Variants in SBF2 observed in about 807,000 individuals in gnomAD.
The protein encoded by SBF2 is myotubularin-related protein 13.
A neutral mutation model predicts 225.2 loss-of-function variants in SBF2; 112 were observed. The observed-to-expected ratio is 0.50, with a 90% CI of 0.43 to 0.58. SBF2 has a LOEUF of 0.58. SBF2 is among the 20% of genes least tolerant of loss of function. The probability of loss-of-function intolerance (pLI) is 0.00; values close to 1 mark genes in which losing one functional copy is unlikely to be tolerated. For missense variants in SBF2, 1,996 were observed against 2,206.2 expected (o/e 0.90, Z 1.91); for synonymous variants, 763 against 773.3 (o/e 0.99, Z 0.22).
chr11:10,170,978 T>C (rs72861724), intron 2 of SBF2, among the ~76,000 whole-genome samples: 8,372 of 152,296 alleles, frequency 0.055, 316 homozygotes, highest in Middle Eastern at 0.14. Flanking sequence ...ATGATTTTTG[T>C]ATGCTAACTT....
At chr11:10,148,915 C>T (rs181016379) in intron 2 of SBF2, among the ~76,000 whole-genome samples, 10 of 152,228 alleles carry the variant, frequency 6.6e-5, no homozygotes, top group African/African-American at 2.2e-4. Context: ...CCTGGCTTCA[C>T]CCTCTATGGG....
chr11:10,033,101 T>C (rs1233023590), intron 3 of SBF2, among the ~76,000 whole-genome samples: 1 of 152,210 alleles, frequency 6.6e-6, no homozygotes, highest in African/African-American at 2.4e-5. Flanking sequence ...ATTAGGTTGG[T>C]TGGTTTCTGG....
intron 2 of SBF2, among the ~76,000 whole-genome samples, chr11:10,065,645 A>C (rs1950599076): frequency 6.6e-6 from 1 of 152,196 alleles, no homozygotes; most frequent in African/African-American, 2.4e-5. Flanking sequence ...GAAATAAAGA[A>C]ATTCTCTAAA....
chr11:10,054,779 CA>C (rs1313788669), intron 2 of SBF2, among the ~76,000 whole-genome samples: 10 of 152,056 alleles, frequency 6.6e-5, no homozygotes, highest in African/African-American at 2.2e-4. Flanking sequence ...AGAAGATATA[CA>C]AACGGCCAGG....
At chr11:10,036,748 A>C (rs1949453500) in intron 3 of SBF2, among the ~76,000 whole-genome samples, 1 of 152,184 alleles carries the variant, frequency 6.6e-6, no homozygotes, top group Non-Finnish European at 1.5e-5. Flanking sequence ...TGTAACCTTT[A>C]TAAGAAATAA....
chr11:9,787,676 T>TA lies in SBF2; in HGVS notation c.4994_4995insT (p.Glu1665AspfsTer8). The TA allele has an allele frequency of 6.2e-7, 1 of 1,614,204 alleles. No individual in the cohort carries two copies. The highest frequency in any genetic ancestry group is 1.1e-5 in the South Asian group (1 of 91,090). The stretch of plus-strand genomic sequence containing the variant: ...CTTCTTTAAGGTCCACGGTTACCCT[T>TA]TCCCACAGCTGCTGCCACTTCTCAG... On this transcript the variant is annotated frameshift_variant, in exon 36 of 40. Coordinates refer to ENST00000256190, the MANE Select transcript of SBF2 (RefSeq NM_030962.4). LOFTEE classifies it high-confidence loss of function.
At chr11:10,057,143 ACTGCAGCGGGC>A (rs1234259158) in intron 2 of SBF2, among the ~76,000 whole-genome samples, 1 of 152,022 alleles carries the variant, frequency 6.6e-6, no homozygotes, top group Non-Finnish European at 1.5e-5. Flanking sequence ...GTGACTAGAG[ACTGCAGCGGGC>A]CCCAAGCATA....
chr11:9,834,021 G>A (rs1163052961), intron 26 of SBF2, among the ~76,000 whole-genome samples: 1 of 151,518 alleles, frequency 6.6e-6, no homozygotes, highest in Middle Eastern at 3.5e-3. Flanking sequence ...CACCTGCCTC[G>A]GCCTCCCAAA....
chr11:9,891,607 A>G (rs993594326), intron 17 of SBF2, among the ~76,000 whole-genome samples: 3 of 152,230 alleles, frequency 2.0e-5, no homozygotes, highest in African/African-American at 7.2e-5. Flanking sequence ...ATAAACAACA[A>G]ACATAAGTAT....
chr11:9,966,960 T>C (rs1387878573), intron 14 of SBF2, among the ~76,000 whole-genome samples: 2 of 152,166 alleles, frequency 1.3e-5, no homozygotes, highest in Admixed American at 6.5e-5. Flanking sequence ...CACATAAATG[T>C]TCACAGCAGC....
At chr11:9,859,493 A>G (rs887038235) in intron 17 of SBF2, among the ~76,000 whole-genome samples, 1 of 152,242 alleles carries the variant, frequency 6.6e-6, no homozygotes, top group Non-Finnish European at 1.5e-5. Flanking sequence ...AAGAAAGAGT[A>G]GGTACCATTT....
chr11:10,134,734 G>A (rs944525516), intron 2 of SBF2, among the ~76,000 whole-genome samples: 44 of 152,214 alleles, frequency 2.9e-4, no homozygotes, highest in African/African-American at 1.1e-3. Context: ...CAAGAGGTAA[G>A]CTGTATGGTC....
intron 1 of SBF2, among the ~76,000 whole-genome samples, chr11:10,225,078 G>C (rs1157932967): frequency 1.3e-5 from 2 of 152,058 alleles, no homozygotes; most frequent in African/African-American, 4.8e-5. Context: ...ACAAATAAAA[G>C]CTCATAGTGT....
intron 2 of SBF2, among the ~76,000 whole-genome samples, chr11:10,135,229 C>A (rs1469254678): frequency 1.3e-5 from 2 of 151,988 alleles, no homozygotes; most frequent in Non-Finnish European, 2.9e-5. Flanking sequence ...GGCACCAAGT[C>A]CCTAGACTGC....
At chr11:10,045,111 G>A (rs774433755) in intron 2 of SBF2, among the ~76,000 whole-genome samples, 10 of 151,844 alleles carry the variant, frequency 6.6e-5, no homozygotes, top group Admixed American at 1.3e-4. Flanking sequence ...AAGGCCCTTC[G>A]TGACTGGACT....
intron 1 of SBF2, among the ~76,000 whole-genome samples, chr11:10,293,705 T>C (rs1964320290): frequency 6.6e-6 from 1 of 152,204 alleles, no homozygotes; most frequent in South Asian, 2.1e-4. Context: ...CAGGGCTCTC[T>C]CTGCCCCGGG....
intron 2 of SBF2, among the ~76,000 whole-genome samples, chr11:10,127,628 T>C (rs1953819334): frequency 6.6e-6 from 1 of 152,192 alleles, no homozygotes; most frequent in Non-Finnish European, 1.5e-5. Context: ...AGTATGTCAT[T>C]TGACTACACT....
chr11:10,107,835 C>T (rs1952617876), intron 2 of SBF2, among the ~76,000 whole-genome samples: 1 of 151,960 alleles, frequency 6.6e-6, no homozygotes, highest in African/African-American at 2.4e-5. Context: ...GGTTTTTTTC[C>T]AAATAAGGTA....
chr11:9,845,120 A>T (rs2133968172), intron 24 of SBF2, among the ~76,000 whole-genome samples: 1 of 152,242 alleles, frequency 6.6e-6, no homozygotes, highest in South Asian at 2.1e-4. Flanking sequence ...TATATACAGA[A>T]ATTCTTTGTT....
Sources: allele counts gnomAD v4.1 joint callset (sites outside exome capture counted in the v4.1 genomes callset), GRCh38; gene constraint gnomAD v4.1.1; transcripts MANE v1.5; gene names NCBI Gene and HGNC (gene_info 2026-07-23, HGNC 2026-07-21).